PLA2G4E: variants seen among roughly 807,000 people sequenced by gnomAD.
The protein encoded by PLA2G4E is phospholipase A2 group IVE.
Under a neutral mutation model 109.1 loss-of-function variants are expected in PLA2G4E, and 84 were observed. The ratio of observed to expected loss-of-function variants is 0.77; its 90% CI spans 0.65 to 0.92. The LOEUF (loss-of-function observed/expected upper bound fraction) is 0.92, where lower values mean the gene tolerates loss of function less well. PLA2G4E is among the 40% of genes least tolerant of loss of function. The pLI is 0.00. For synonymous variants in PLA2G4E, 469 were observed against 436.1 expected (o/e 1.08, Z -0.94); for missense variants, 1,057 against 1,076.6 (o/e 0.98, Z 0.25).
At chr15:42,006,730 A>G (rs1276700586) in intron 3 of PLA2G4E, among the ~76,000 whole-genome samples, 1 of 152,140 alleles carries the variant, frequency 6.6e-6, no homozygotes, top group Non-Finnish European at 1.5e-5. Flanking sequence ...GGTGACATGG[A>G]CTAATCTCTG....
At chr15:41,998,840 G>A (rs1160067767) in intron 10 of PLA2G4E, 1 of 152,268 alleles carries the variant, frequency 6.6e-6, no homozygotes, top group Non-Finnish European at 1.5e-5. Context: ...GATCACTTGA[G>A]GTCAGGAGTT....
At chr15:42,032,050 G>A (rs1264795788) in intron 1 of PLA2G4E, among the ~76,000 whole-genome samples, 2 of 152,122 alleles carry the variant, frequency 1.3e-5, no homozygotes, top group East Asian at 3.9e-4. Flanking sequence ...TTAAAAAAGA[G>A]TTGACCTCCC....
At chr15:42,018,525 TGGGGTAAGGACCA>T (rs1269549362) in intron 1 of PLA2G4E, among the ~76,000 whole-genome samples, 2 of 152,036 alleles carry the variant, frequency 1.3e-5, no homozygotes, top group African/African-American at 4.8e-5. Context: ...GGGAGGGCCC[TGGGGTAAGGACCA>T]GGGAGCACTT....
chr15:41,999,542 T>C, exon 10 of PLA2G4E: 1 of 1,611,196 alleles, frequency 6.2e-7, no homozygotes, highest in Non-Finnish European at 8.5e-7. Context: ...AGACTTCATG[T>C]GTAATTCATA....
intron 1 of PLA2G4E, among the ~76,000 whole-genome samples, chr15:42,022,985 TGAG>T (rs1434018608): frequency 1.3e-5 from 2 of 152,176 alleles, no homozygotes; most frequent in African/African-American, 4.8e-5. Flanking sequence ...CAACAGCTAG[TGAG>T]CCTAGGCACC....
chr15:42,047,462 C>G (rs75863846), intron 1 of PLA2G4E, among the ~76,000 whole-genome samples: 2 of 152,084 alleles, frequency 1.3e-5, no homozygotes, highest in African/African-American at 4.8e-5. Flanking sequence ...CCCATGAAAA[C>G]GACATGAATT....
intron 1 of PLA2G4E, among the ~76,000 whole-genome samples, chr15:42,019,864 G>C (rs1043081194): frequency 1.3e-5 from 2 of 152,248 alleles, no homozygotes; most frequent in African/African-American, 4.8e-5. Context: ...TGCAGCTCAT[G>C]GAGAGGCTCC....
chr15:42,026,102 C>T lies in PLA2G4E; in HGVS notation c.184-12345G>A, dbSNP rs939030588. 1.1e-4 allele frequency among the ~76,000 whole-genome samples: 16 copies of T among 152,114 alleles called. No homozygotes were observed. In the East Asian group the frequency reaches 1.9e-3, roughly 18 times the overall value. ...AGTTCCACCTCTACAATAGATCTCA[C>T]GTTTCCCCTCTTAATAAATATTCAT... is the stretch of plus-strand genomic sequence containing the variant. On this transcript the variant is annotated intron_variant, in intron 1 of 19. Coordinates refer to ENST00000399518, the Ensembl canonical transcript of PLA2G4E.
intron 1 of PLA2G4E, among the ~76,000 whole-genome samples, chr15:42,017,104 G>A (rs916863341): frequency 6.6e-6 from 1 of 152,238 alleles, no homozygotes; most frequent in African/African-American, 2.4e-5. Flanking sequence ...AGCTGTGGAG[G>A]CTTCAGCCCA....
At chr15:42,039,063 C>A (rs1889269129) in intron 1 of PLA2G4E, among the ~76,000 whole-genome samples, 1 of 152,106 alleles carries the variant, frequency 6.6e-6, no homozygotes, top group East Asian at 1.9e-4. Context: ...TTTCACTAAT[C>A]CATGTTCTTG....
At chr15:42,016,769 A>G (rs924064337) in intron 1 of PLA2G4E, among the ~76,000 whole-genome samples, 3 of 152,224 alleles carry the variant, frequency 2.0e-5, no homozygotes, top group African/African-American at 7.2e-5. Context: ...ACTCACAGCC[A>G]ATTATAGGTC....
At position 42,002,264 on chromosome 15, in the gene PLA2G4E, CAAAA is replaced by C. The variant is rs71108143; in HGVS notation, c.609+386_609+389del. 3.8e-3 allele frequency among the ~76,000 whole-genome samples: 277 copies of C among 73,196 alleles called. 1 individual carries two copies. The highest frequency in any genetic ancestry group is 0.016 in the African/African-American group (265 of 16,160). 48.0% of individuals were successfully genotyped at this position (73,196 alleles called of 152,430 possible). On this transcript the variant is annotated intron_variant, in intron 6 of 19. Coordinates refer to ENST00000399518, the Ensembl canonical transcript of PLA2G4E. ...TGGGCGACAGAGTGAGACCTTGTCT[CAAAA>C]AAAAAAAAAAAAAAAAAAAGGTAAA...
intron 1 of PLA2G4E, among the ~76,000 whole-genome samples, chr15:42,031,810 G>A (rs576718612): frequency 6.6e-6 from 1 of 152,258 alleles, no homozygotes; most frequent in South Asian, 2.1e-4. Flanking sequence ...GCAAGGCTGG[G>A]TTTCTCCTAG....
intron 1 of PLA2G4E, among the ~76,000 whole-genome samples, chr15:42,032,939 C>G (rs1027080604): frequency 2.6e-5 from 4 of 152,118 alleles, no homozygotes; most frequent in African/African-American, 4.8e-5. Context: ...GGGACTCCCC[C>G]ACCCCTCCCC....
intron 5 of PLA2G4E, among the ~76,000 whole-genome samples, chr15:42,003,688 C>T (rs80077185): frequency 0.035 from 5,361 of 152,272 alleles, 340 homozygotes; most frequent in African/African-American, 0.12. Context: ...GCAGAGGATT[C>T]TCCAAGTGGC....
intron 1 of PLA2G4E, among the ~76,000 whole-genome samples, chr15:42,013,961 G>A (rs2068564125): frequency 2.1e-5 from 3 of 139,622 alleles, no homozygotes; most frequent in Admixed American, 1.6e-4. Context: ...GCGCGATCTC[G>A]GCTCACTGCA....
intron 2 of PLA2G4E, among the ~76,000 whole-genome samples, chr15:42,011,984 A>C (rs2068540721): frequency 1.3e-5 from 2 of 152,178 alleles, no homozygotes; most frequent in Non-Finnish European, 1.5e-5. Context: ...AAGAAGCTTG[A>C]GGAAAAGTCC....
At chr15:41,987,113 A>G in intron 17 of PLA2G4E, 59 bp downstream of exon 17, 1 of 1,524,216 alleles carries the variant, frequency 6.6e-7, no homozygotes, top group Non-Finnish European at 9.1e-7. Flanking sequence ...CAGCCTTGAC[A>G]TCCACATCTT....
At chr15:42,014,100 C>G (rs891924108) in intron 1 of PLA2G4E, among the ~76,000 whole-genome samples, 2 of 151,928 alleles carry the variant, frequency 1.3e-5, no homozygotes, top group Non-Finnish European at 2.9e-5. Context: ...CCACGTTGTC[C>G]AGGCTGGTCT....
Sources: gnomAD v4.1 joint callset for allele counts (sites outside exome capture counted in the v4.1 genomes callset) on GRCh38, gnomAD v4.1.1 for gene constraint, MANE v1.5 for transcripts, NCBI Gene and HGNC (gene_info 2026-07-23, HGNC 2026-07-21) for gene names.